The following PTPRM variants were observed in gnomAD, a reference collection of about 807,000 sequenced individuals.
The protein encoded by PTPRM is receptor-type tyrosine-protein phosphatase mu.
In PTPRM, 47 loss-of-function variants were observed where a neutral mutation model predicts 186.7. That is an observed-to-expected ratio of 0.25 (90% CI 0.20 to 0.32). The LOEUF (loss-of-function observed/expected upper bound fraction) is 0.32, where lower values mean the gene tolerates loss of function less well. Ranked by LOEUF, PTPRM falls within the 10% of genes least tolerant of loss-of-function variation. The pLI is 1.00. For missense variants in PTPRM, 1,494 were observed against 1,865.0 expected, an observed-to-expected ratio of 0.80 and a Z score of 3.66; for synonymous variants, 668 against 674.9, an observed-to-expected ratio of 0.99 and a Z score of 0.16.
At chr18:7,917,499 G>C (rs1041518552) in intron 4 of PTPRM, among the ~76,000 whole-genome samples, 1 of 152,154 alleles carries the variant, frequency 6.6e-6, no homozygotes, top group Non-Finnish European at 1.5e-5. Context: ...TCGCGCCACT[G>C]TACTCCAGCC....
chr18:8,379,939 A>C (rs182974412), intron 28 of PTPRM, among the ~76,000 whole-genome samples: 3 of 152,376 alleles, frequency 2.0e-5, no homozygotes, highest in Non-Finnish European at 4.4e-5. Context: ...GCTAGCAAAC[A>C]AGTTTTAGAA....
chr18:7,874,960 C>T lies in PTPRM; in HGVS notation c.197-13146C>T, dbSNP rs969295361. 9.9e-5 allele frequency among the ~76,000 whole-genome samples: 15 copies of T among 152,162 alleles called. No homozygotes were observed. In the South Asian group the frequency reaches 2.3e-3, roughly 23 times the overall value. ...GTAATCCCAGCACTTTGGGAGTCCG[C>T]GGCGGGCGGATCACTTGAGGCCAGG... On this transcript the variant is annotated intron_variant, in intron 2 of 32. Transcript: ENST00000580170.
intron 14 of PTPRM, among the ~76,000 whole-genome samples, chr18:8,194,388 A>G (rs2093747457): frequency 6.6e-6 from 1 of 152,208 alleles, no homozygotes; most frequent in South Asian, 2.1e-4. Context: ...GTTCAAAACC[A>G]AGAGCTGATA....
chr18:7,616,096 A>G (rs933225127), intron 1 of PTPRM, among the ~76,000 whole-genome samples: 1 of 152,136 alleles, frequency 6.6e-6, no homozygotes, highest in Non-Finnish European at 1.5e-5. Flanking sequence ...GTAGCAGTCC[A>G]TGGCCTGTGG....
chr18:7,794,246 C>T (rs1467296886), intron 2 of PTPRM, among the ~76,000 whole-genome samples: 2 of 152,160 alleles, frequency 1.3e-5, no homozygotes, highest in African/African-American at 2.4e-5. Context: ...TAACACAAGC[C>T]GCCTATGGAT....
At chr18:8,081,794 C>T (rs934146701) in intron 9 of PTPRM, among the ~76,000 whole-genome samples, 10 of 152,060 alleles carry the variant, frequency 6.6e-5, no homozygotes, top group Non-Finnish European at 1.2e-4. Context: ...CATATACATG[C>T]CCAACATATT....
Position 8,069,841 on chromosome 18 carries a change from C to A in PTPRM, c.1288C>A (p.Arg430=), listed in dbSNP as rs2089348893. The change falls in exon 8 of 33, where the codon CGA becomes AGA. Residue 430 remains arginine, a synonymous_variant. Coordinates refer to ENST00000580170, the MANE Select transcript of PTPRM (RefSeq NM_001105244.2). Reference sequence around the variant, plus strand: ...CCAAGTTGGAGGACAAGAACAAGTGCGAGAAGAAGTAAGCTGGGATACAGA... The same window carrying A: ...CCAAGTTGGAGGACAAGAACAAGTGAGAGAAGAAGTAAGCTGGGATACAGA... ...CYQVGGQEQV[R]EEVSWDTENS... 1.9e-6 allele frequency: 3 copies of A among 1,613,810 alleles called. No individual in the cohort carries two copies. The highest frequency in any genetic ancestry group is 2.5e-6 in the Non-Finnish European group (3 of 1,179,940).
intron 7 of PTPRM, among the ~76,000 whole-genome samples, chr18:7,978,834 A>G (rs772991193): frequency 5.3e-5 from 8 of 152,148 alleles, no homozygotes; most frequent in Admixed American, 6.6e-5. Context: ...GTATTCTTTC[A>G]TATAAATTCC....
intron 7 of PTPRM, among the ~76,000 whole-genome samples, chr18:8,000,874 A>G (rs1457124280): frequency 1.3e-5 from 2 of 152,218 alleles, no homozygotes; most frequent in Non-Finnish European, 2.9e-5. Context: ...ACTTGTTCAC[A>G]TTCTTCTCCA....
chr18:8,341,154 G>A (rs2095472285), intron 22 of PTPRM, among the ~76,000 whole-genome samples: 1 of 152,180 alleles, frequency 6.6e-6, no homozygotes, highest in African/African-American at 2.4e-5. Flanking sequence ...TTGAAAAGGA[G>A]GAAAGGTGCT....
chr18:8,323,094 G>T (rs1357404570), intron 22 of PTPRM, among the ~76,000 whole-genome samples: 2 of 152,138 alleles, frequency 1.3e-5, no homozygotes, highest in Admixed American at 6.5e-5. Flanking sequence ...CTCCCAAAGC[G>T]CTGGGATTAC....
rs749550095 is a variant in PTPRM at position 8,384,585 on chromosome 18, A to G, written c.3943A>G (p.Asn1315Asp). Residue 1315 changes from asparagine to aspartate, a missense_variant, in exon 30 of 33, where the codon AAC (asparagine) becomes GAC (aspartate). By Grantham distance (23) the Asn-to-Asp change is conservative. Transcript: ENST00000580170. ...AQLCPQYWPE[N>D]GVHRHGPIQV... ...GTTGTGTCCACAGTACTGGCCAGAA[A>G]ACGGAGTACACAGACACGGCCCCAT... 1.2e-6 allele frequency: 2 copies of G among 1,614,220 alleles called. No homozygotes were observed. The highest frequency in any genetic ancestry group is 2.2e-5 in the South Asian group (2 of 91,078).
intron 1 of PTPRM, among the ~76,000 whole-genome samples, chr18:7,772,798 T>C (rs77217362): frequency 2.0e-5 from 3 of 152,168 alleles, no homozygotes; most frequent in Non-Finnish European, 1.5e-5. Context: ...GTGGACATAA[T>C]GTAAAAATAT....
At chr18:8,277,117 A>G (rs1287145489) in intron 19 of PTPRM, among the ~76,000 whole-genome samples, 1 of 152,048 alleles carries the variant, frequency 6.6e-6, no homozygotes, top group African/African-American at 2.4e-5. Flanking sequence ...TTCTATTTTT[A>G]GTAGAGATGG....
At chr18:8,273,944 A>G (rs2094803248) in intron 19 of PTPRM, among the ~76,000 whole-genome samples, 1 of 152,138 alleles carries the variant, frequency 6.6e-6, no homozygotes, top group Non-Finnish European at 1.5e-5. Flanking sequence ...CAGTCCAGTA[A>G]CATTTTTTTT....
rs138843535 is a variant in PTPRM at position 8,395,318 on chromosome 18, G to A, written c.4344+707G>A. 5.2e-3 allele frequency among the ~76,000 whole-genome samples: 790 copies of A among 152,218 alleles called. 9 individuals are homozygous for A. Among genetic ancestry groups the A allele is most frequent in the Admixed American group, 0.03 (459 of 15,296 alleles). On this transcript the variant is annotated intron_variant, in intron 32 of 32. Transcript: ENST00000580170. ...GCAGGAGAGGGAGGAAGAGATGGCC[G>A]ATGGGACAAGCGCCAAAGCCAATGT...
At chr18:8,155,522 T>A (rs2093102116) in intron 14 of PTPRM, among the ~76,000 whole-genome samples, 1 of 152,262 alleles carries the variant, frequency 6.6e-6, no homozygotes, top group African/African-American at 2.4e-5. Context: ...CTCCATCTCC[T>A]TTCCATAACA....
intron 2 of PTPRM, among the ~76,000 whole-genome samples, chr18:7,824,215 A>T (rs1598901030): frequency 6.6e-6 from 1 of 152,314 alleles, no homozygotes; most frequent in East Asian, 1.9e-4. Flanking sequence ...GGACTCTGTT[A>T]TGAGTTAGTC....
At chr18:7,626,640 C>G (rs2038069149) in intron 1 of PTPRM, among the ~76,000 whole-genome samples, 1 of 152,152 alleles carries the variant, frequency 6.6e-6, no homozygotes. Context: ...GCCCCTTGCT[C>G]AGGGTCTAAG....
Sources: gnomAD v4.1 joint callset for allele counts (sites outside exome capture counted in the v4.1 genomes callset) on GRCh38, gnomAD v4.1.1 for gene constraint, MANE v1.5 for transcripts, NCBI Gene and HGNC (gene_info 2026-07-23, HGNC 2026-07-21) for gene names.